The following PDE11A variants were observed in gnomAD, a reference collection of about 807,000 sequenced individuals.
PDE11A encodes the protein dual 3',5'-cyclic-AMP and -GMP phosphodiesterase 11A.
A neutral mutation model predicts 100.5 loss-of-function variants in PDE11A; 100 were observed. The observed-to-expected ratio is 1.00, with a 90% CI of 0.85 to 1.18. The LOEUF (loss-of-function observed/expected upper bound fraction) is 1.18. Among genes scored for constraint, PDE11A ranks in the 50% most tolerant of loss-of-function variants. The pLI is 0.00. For synonymous variants in PDE11A, 381 were observed against 420.8 expected, an observed-to-expected ratio of 0.91 and a Z score of 1.16; for missense variants, 1,141 against 1,152.6, an observed-to-expected ratio of 0.99 and a Z score of 0.15.
intron 2 of PDE11A, among the ~76,000 whole-genome samples, chr2:177,971,623 C>A (rs2085771226): frequency 6.6e-6 from 1 of 152,106 alleles, no homozygotes; most frequent in Non-Finnish European, 1.5e-5. Context: ...GACTGGTCAT[C>A]CACTGTCTAG....
chr2:177,713,943 T>C (rs2105428571), intron 12 of PDE11A, among the ~76,000 whole-genome samples: 1 of 151,014 alleles, frequency 6.6e-6, no homozygotes, highest in East Asian at 2.0e-4. Context: ...ATTTTCTTTT[T>C]CACCTAAATT....
intron 1 of PDE11A, among the ~76,000 whole-genome samples, chr2:178,045,568 G>A (rs2105852331): frequency 6.6e-6 from 1 of 152,318 alleles, no homozygotes; most frequent in African/African-American, 2.4e-5. Flanking sequence ...AACAATATGG[G>A]TTCAAACCCT....
At chr2:177,967,095 T>TTATCCATTTCTTC (rs1474040825) in intron 2 of PDE11A, among the ~76,000 whole-genome samples, 2 of 152,094 alleles carry the variant, frequency 1.3e-5, no homozygotes, top group East Asian at 3.8e-4. Context: ...TTCCAGGAAT[T>TTATCCATTTCTTC]TATCCATTTC....
At chr2:178,056,321 C>T (rs2086898777) in intron 1 of PDE11A, among the ~76,000 whole-genome samples, 1 of 152,288 alleles carries the variant, frequency 6.6e-6, no homozygotes, top group South Asian at 2.1e-4. Context: ...TTAACAGAGA[C>T]AAGACCTCAA....
At position 177,625,530 on chromosome 2, in the gene PDE11A, G is replaced by A. The variant is rs1029614867; in HGVS notation, c.*3877C>T. The A allele has an allele frequency of 1.3e-5, 2 of 152,284 alleles. No individual in the cohort carries two copies. Among genetic ancestry groups the A allele is most frequent in the East Asian group, 3.8e-4 (2 of 5,202 alleles). 9.4% of individuals were successfully genotyped at this position (152,284 alleles called of 1,614,324 possible). On this transcript the variant is annotated 3_prime_UTR_variant, in exon 20 of 20. Transcript: ENST00000286063. ...GCACATAATAGCTACATAGTGACTA[G>A]TAAGAATAAATATGTCTGAAAAAAA...
chr2:177,691,617 T>A (rs2081041719), intron 15 of PDE11A, among the ~76,000 whole-genome samples: 1 of 152,222 alleles, frequency 6.6e-6, no homozygotes, highest in South Asian at 2.1e-4. Flanking sequence ...ATATACTATT[T>A]AATATTGTGA....
chr2:177,716,092 T>G (rs2081433165), intron 12 of PDE11A, among the ~76,000 whole-genome samples: 1 of 152,254 alleles, frequency 6.6e-6, no homozygotes, highest in Non-Finnish European at 1.5e-5. Flanking sequence ...GCTGTCCACC[T>G]GTGAGGATGT....
intron 2 of PDE11A, among the ~76,000 whole-genome samples, chr2:178,006,073 T>C (rs536123413): frequency 3.9e-5 from 6 of 152,338 alleles, no homozygotes; most frequent in Admixed American, 1.3e-4. Context: ...GCATTTGGAA[T>C]TTAAAAATAC....
chr2:177,832,550 C>CATCCATCTATCTATCTATCT (rs1344011901), intron 6 of PDE11A, among the ~76,000 whole-genome samples: 1 of 132,036 alleles, frequency 7.6e-6, no homozygotes, highest in Admixed American at 7.7e-5. Context: ...TTAATACTCA[C>CATCCATCTATCTATCTATCT]ATCCATCTAT....
At chr2:177,875,675 T>C (rs1041238991) in intron 5 of PDE11A, among the ~76,000 whole-genome samples, 184 bp downstream of exon 5, 1 of 152,152 alleles carries the variant, frequency 6.6e-6, no homozygotes, top group Non-Finnish European at 1.5e-5. Context: ...CCACCGCGCC[T>C]GGCCGTATAT....
rs370410435 is a variant in PDE11A, at chr2:177,638,719, C to CT, written c.2647-9158dup. ...CTGCGCAAGCTGGGTCCAAAGCAGC[C>CT]TTTTTTTTTGTGGAGGGCTAATTTG... On this transcript the variant is annotated intron_variant, in intron 19 of 19. Transcript: ENST00000286063. Among the ~76,000 whole-genome samples, 592 of 151,248 alleles carry CT rather than the reference C, an allele frequency of 3.9e-3. 1 individual carries two copies. Among genetic ancestry groups the CT allele is most frequent in the African/African-American group, 0.012 (480 of 41,340 alleles).
chr2:177,790,778 A>G (rs534748122), intron 9 of PDE11A, among the ~76,000 whole-genome samples: 1 of 152,398 alleles, frequency 6.6e-6, no homozygotes, highest in Non-Finnish European at 1.5e-5. Context: ...CAAAAGACGC[A>G]TGAAAAAATG....
At chr2:177,790,395 G>A (rs1180746693) in intron 9 of PDE11A, among the ~76,000 whole-genome samples, 2 of 151,338 alleles carry the variant, frequency 1.3e-5, no homozygotes, top group South Asian at 4.2e-4. Flanking sequence ...AATTCAAGAT[G>A]GATTAAAGAC....
At chr2:178,040,993 G>A (rs1262614373) in intron 1 of PDE11A, among the ~76,000 whole-genome samples, 1 of 152,084 alleles carries the variant, frequency 6.6e-6, no homozygotes, top group Non-Finnish European at 1.5e-5. Context: ...ATGCTAGAGT[G>A]CAGTGGCTCA....
At chr2:177,853,704 G>T (rs200275089) in intron 5 of PDE11A, among the ~76,000 whole-genome samples, 24,767 of 61,224 alleles carry the variant, frequency 0.4, 5,243 homozygotes, top group East Asian at 0.58. Flanking sequence ...GTGTGTGTGT[G>T]TGTGTGTGTT....
At chr2:177,723,985 A>G (rs1483038207) in intron 12 of PDE11A, among the ~76,000 whole-genome samples, 2 of 152,208 alleles carry the variant, frequency 1.3e-5, no homozygotes, top group African/African-American at 4.8e-5. Flanking sequence ...TAATTTATTT[A>G]TTATGTATGT....
chr2:177,726,547 AAG>A (rs1260668997), intron 12 of PDE11A, among the ~76,000 whole-genome samples: 1 of 152,128 alleles, frequency 6.6e-6, no homozygotes, highest in Non-Finnish European at 1.5e-5. Context: ...AGTACAGGGA[AAG>A]AAGTAATTAT....
At position 177,627,023 on chromosome 2, in the gene PDE11A, T is replaced by C; in HGVS notation, c.*2384A>G. The stretch of plus-strand genomic sequence containing the variant: ...CCTCTTAGTCTGGTTTATACTTTTT[T>C]TTTTTTTTTTTTTTTTTTTTTTTTT... On this transcript the variant is annotated 3_prime_UTR_variant, in exon 20 of 20. Transcript: ENST00000286063. The C allele has an allele frequency of 1.8e-4, 2 of 11,272 alleles. No homozygotes were observed. Among genetic ancestry groups the C allele is most frequent in the Non-Finnish European group, 2.6e-4 (1 of 3,920 alleles). The allele number at this position is 11,272 out of a possible 1,614,324, so 0.7% of individuals were successfully genotyped here. A position where few individuals can be genotyped will look rare whatever the true frequency, so the allele number is the denominator to read the frequency against.
At chr2:178,085,675 C>A (rs759216878) in intron 2 of PDE11A, among the ~76,000 whole-genome samples, 5 of 152,118 alleles carry the variant, frequency 3.3e-5, no homozygotes, top group Non-Finnish European at 7.3e-5. Flanking sequence ...AAAGAACTGG[C>A]CTATTTATAA....
Sources: allele counts gnomAD v4.1 joint callset (sites outside exome capture counted in the v4.1 genomes callset), GRCh38; gene constraint gnomAD v4.1.1; transcripts MANE v1.5; gene names NCBI Gene and HGNC (gene_info 2026-07-23, HGNC 2026-07-21).